Variants in DUSP13B observed in about 807,000 individuals in gnomAD.
DUSP13B encodes the protein dual specificity protein phosphatase 13B.
chr10:75,097,940 C>T, the DUSP13B span: 1 of 1,480,480 alleles, frequency 6.8e-7, no homozygotes, highest in Non-Finnish European at 9.0e-7. Context: ...AGGGTGGATC[C>T]AGCTGATGGG....
the DUSP13B span, among the ~76,000 whole-genome samples, chr10:75,100,092 C>T: frequency 5.2e-4 from 79 of 152,180 alleles, no homozygotes; most frequent in African/African-American, 1.4e-3. Context: ...CTCAGGCCTG[C>T]GGAGCTTGGC....
the DUSP13B span, chr10:75,099,507 G>A: frequency 8.1e-6 from 10 of 1,231,742 alleles, no homozygotes; most frequent in South Asian, 4.2e-4. Context: ...GGGCTGGGCA[G>A]GTTCTGCCCA....
chr10:75,103,818 C>A, the DUSP13B span: 2 of 1,160,364 alleles, frequency 1.7e-6, no homozygotes, highest in Non-Finnish European at 2.3e-6. Context: ...CTCCTCCCCT[C>A]CCCACTTTCC....
the DUSP13B span, chr10:75,108,873 T>C: frequency 4.1e-6 from 5 of 1,206,422 alleles, no homozygotes; most frequent in Admixed American, 1.4e-4. Context: ...CCGGGGGTCC[T>C]GGAGAAGGTC....
At chr10:75,103,432 A>G in the DUSP13B span, among the ~76,000 whole-genome samples, 1 of 152,274 alleles carries the variant, frequency 6.6e-6, no homozygotes, top group South Asian at 2.1e-4. Context: ...ACCCTCTGCC[A>G]AGCTCCTCCC....
At chr10:75,094,486 A>C in the DUSP13B span, 1 of 607,026 alleles carries the variant, frequency 1.6e-6, no homozygotes. Flanking sequence ...TCACTTTTGC[A>C]TAAAGAATCT....
the DUSP13B span, chr10:75,101,784 C>T: frequency 3.4e-6 from 3 of 869,952 alleles, no homozygotes; most frequent in Non-Finnish European, 5.2e-6. Context: ...CCTCCCCACA[C>T]AGGCACAAGT....
chr10:75,097,689 C>T, the DUSP13B span: 2 of 1,537,890 alleles, frequency 1.3e-6, no homozygotes, highest in Non-Finnish European at 8.8e-7. Context: ...GCCATCCCCA[C>T]TCCTAACGTG....
the DUSP13B span, chr10:75,108,422 T>G: frequency 4.7e-5 from 39 of 827,448 alleles, no homozygotes; most frequent in African/African-American, 6.7e-4. Flanking sequence ...TCGGGGGATC[T>G]TTAGACCCTC....
chr10:75,098,670 G>A, the DUSP13B span, among the ~76,000 whole-genome samples: 1 of 152,168 alleles, frequency 6.6e-6, no homozygotes, highest in African/African-American at 2.4e-5. Flanking sequence ...GCTGAGGCAG[G>A]AGAACCTTTT....
the DUSP13B span, among the ~76,000 whole-genome samples, chr10:75,103,372 T>TCAGA: frequency 6.6e-6 from 1 of 151,902 alleles, no homozygotes; most frequent in African/African-American, 2.4e-5. Context: ...GAGCAGGTCT[T>TCAGA]CAGACAGCCC....
chr10:75,102,341 G>A, the DUSP13B span, among the ~76,000 whole-genome samples: 1 of 152,266 alleles, frequency 6.6e-6, no homozygotes, highest in Non-Finnish European at 1.5e-5. Flanking sequence ...TACTCAGGAG[G>A]CTGAGGCAGG....
the DUSP13B span, among the ~76,000 whole-genome samples, chr10:75,101,115 G>A: frequency 7.2e-5 from 11 of 152,218 alleles, no homozygotes; most frequent in African/African-American, 1.9e-4. Flanking sequence ...GAAGGGTGGC[G>A]TGTGGCTGCC....
At chr10:75,094,894 A>G in the DUSP13B span, 20 of 1,612,016 alleles carry the variant, frequency 1.2e-5, no homozygotes, top group African/African-American at 2.5e-4. Flanking sequence ...GGGAGAACCA[A>G]CTTAGCATCA....
At chr10:75,105,005 C>A in the DUSP13B span, among the ~76,000 whole-genome samples, 1 of 152,164 alleles carries the variant, frequency 6.6e-6, no homozygotes, top group African/African-American at 2.4e-5. Context: ...AAATGGCAGC[C>A]CGTCTGTGGC....
At chr10:75,097,360 C>G in the DUSP13B span, among the ~76,000 whole-genome samples, 12 of 152,176 alleles carry the variant, frequency 7.9e-5, no homozygotes, top group African/African-American at 2.9e-4. Context: ...AGGCGTCCAC[C>G]ACCACACCTG....
chr10:75,103,005 C>T, the DUSP13B span, among the ~76,000 whole-genome samples: 14,531 of 151,776 alleles, frequency 0.096, 884 homozygotes, highest in East Asian at 0.21. Flanking sequence ...CCCTCCTACT[C>T]GGGAAGCTGA....
chr10:75,097,825 T>C, the DUSP13B span: 3 of 1,613,624 alleles, frequency 1.9e-6, no homozygotes, highest in Non-Finnish European at 2.5e-6. Context: ...GGTAGGGAGA[T>C]GCCTGGACTG....
At chr10:75,103,811 C>T in the DUSP13B span, 2 of 1,108,264 alleles carry the variant, frequency 1.8e-6, no homozygotes, top group Admixed American at 3.1e-5. Flanking sequence ...TTCCTCTCTC[C>T]TCCCCTCCCC....
Sources: gnomAD v4.1 joint callset for allele counts (sites outside exome capture counted in the v4.1 genomes callset) on GRCh38, gnomAD v4.1.1 for gene constraint, MANE v1.5 for transcripts, NCBI Gene and HGNC (gene_info 2026-07-23, HGNC 2026-07-21) for gene names.